The following COL4A6 variants were observed in gnomAD, a reference collection of about 807,000 sequenced individuals.
The protein encoded by COL4A6 is collagen alpha-6(IV) chain.
COL4A6 carries 59 observed loss-of-function variants against 126.7 expected under a neutral mutation model. The ratio of observed to expected loss-of-function variants is 0.47; its 90% CI spans 0.38 to 0.58. The LOEUF (loss-of-function observed/expected upper bound fraction) is 0.58. Among genes scored for constraint, COL4A6 ranks in the 20% least tolerant of loss-of-function variants. The pLI, the probability that COL4A6 is intolerant of heterozygous loss-of-function variation, is 0.00. For missense variants in COL4A6, 1,285 were observed against 1,337.3 expected (o/e 0.96, Z 0.61); for synonymous variants, 547 against 496.6 (o/e 1.10, Z -1.35).
chrX:108,400,073 C>T lies in COL4A6; in HGVS notation c.63+37869G>A, dbSNP rs765967529. On this transcript the variant is annotated intron_variant, in intron 2 of 44. Coordinates refer to ENST00000334504, the MANE Select transcript of COL4A6 (RefSeq NM_033641.4). ...TCTTTTCCGAAGGCCAGTACTGAGC[C>T]TCCTTTATTATGAGGTGAAGGTTTG... Among the ~76,000 whole-genome samples the T allele has an allele frequency of 1.3e-4, 15 of 111,580 alleles. No homozygotes were observed. In the East Asian group the frequency reaches 2.5e-3, roughly 19 times the overall value.
At chrX:108,169,667 G>A in intron 36 of COL4A6, 47 bp from the exon 37 acceptor site, 1 of 1,166,156 alleles carries the variant, frequency 8.6e-7, no homozygotes, top group Non-Finnish European at 1.1e-6. Flanking sequence ...TGGAGGTGAG[G>A]CCTTCCTGCC....
intron 3 of COL4A6, among the ~76,000 whole-genome samples, chrX:108,265,254 C>G (rs1179097964): frequency 9.0e-6 from 1 of 110,982 alleles, no homozygotes; most frequent in African/African-American, 3.3e-5. Context: ...TGTTAAAATG[C>G]AGATTCTGGA....
chrX:108,161,230 G>T (rs755125327), intron 42 of COL4A6, among the ~76,000 whole-genome samples: 2 of 111,379 alleles, frequency 1.8e-5, no homozygotes, highest in Non-Finnish European at 3.8e-5. Context: ...GAGGTATATG[G>T]ACAGCCACGC....
chrX:108,342,430 C>A (rs998751765), intron 2 of COL4A6, among the ~76,000 whole-genome samples: 2 of 111,553 alleles, frequency 1.8e-5, no homozygotes, highest in Non-Finnish European at 3.8e-5. Flanking sequence ...CCTGGGCTGA[C>A]AAAATTAAAT....
intron 2 of COL4A6, among the ~76,000 whole-genome samples, chrX:108,355,399 G>A (rs1198663404): frequency 8.9e-6 from 1 of 112,342 alleles, no homozygotes; most frequent in African/African-American, 3.2e-5. Flanking sequence ...AGGTGCACTG[G>A]CTTTGGTTCA....
chrX:108,406,850 A>AT (rs200065691), intron 2 of COL4A6, among the ~76,000 whole-genome samples: 4,090 of 111,717 alleles, frequency 0.037, 102 homozygotes, highest in Middle Eastern at 0.075. Context: ...ATGTGAAGGC[A>AT]TTTTTTTGTG....
chrX:108,160,119 C>A (rs919761290), intron 43 of COL4A6, among the ~76,000 whole-genome samples: 1 of 112,142 alleles, frequency 8.9e-6, no homozygotes. Context: ...CTACTAATTG[C>A]TAACATTTAA....
chrX:108,394,340 G>T (rs772069201), intron 2 of COL4A6, among the ~76,000 whole-genome samples: 4 of 109,613 alleles, frequency 3.6e-5, no homozygotes, highest in Admixed American at 2.0e-4. Flanking sequence ...GGGGTTGATG[G>T]GTGCAGCAAA....
intron 2 of COL4A6, among the ~76,000 whole-genome samples, chrX:108,335,012 G>A (rs1171651166): frequency 8.9e-6 from 1 of 112,065 alleles, no homozygotes; most frequent in Non-Finnish European, 1.9e-5. Context: ...GAGACTAAGC[G>A]TAATCAGGAT....
intron 3 of COL4A6, 69 bp from the exon 4 acceptor site, chrX:108,221,443 G>T (rs186721769): frequency 6.4e-6 from 7 of 1,086,347 alleles, no homozygotes; most frequent in Non-Finnish European, 8.7e-6. Context: ...ATTTTCCCAC[G>T]CACAAAGAGC....
chrX:108,423,055 A>G (rs1216179151), intron 2 of COL4A6, among the ~76,000 whole-genome samples: 1 of 112,369 alleles, frequency 8.9e-6, no homozygotes, highest in Non-Finnish European at 1.9e-5. Flanking sequence ...TTAGTTTGCG[A>G]TTTCTTTAAT....
rs544256895 is a variant in COL4A6, at chrX:108,378,073, T to TA, written c.63+59868dup. Among the ~76,000 whole-genome samples, 1,070 of 107,332 alleles carry TA rather than the reference T, an allele frequency of 1.0e-2. 10 individuals carry two copies. Among genetic ancestry groups the TA allele is most frequent in the East Asian group, 0.03 (102 of 3,445 alleles). 93.2% of individuals were successfully genotyped at this position (107,332 alleles called of 115,157 possible). A position where few individuals can be genotyped will look rare whatever the true frequency, so the allele number is the denominator to read the frequency against. On this transcript the variant is annotated intron_variant, in intron 2 of 44. Coordinates refer to ENST00000334504, the MANE Select transcript of COL4A6 (RefSeq NM_033641.4). ...TGGTAGGTAAGGATGTGAAGAAATT[T>TA]AAAAAAAAAATGTTTTCATGTAGTG...
intron 2 of COL4A6, among the ~76,000 whole-genome samples, chrX:108,315,523 T>C (rs186719751): frequency 3.8e-3 from 430 of 112,430 alleles, no homozygotes; most frequent in African/African-American, 0.014. Flanking sequence ...ATGCTAAAAA[T>C]ATTTAGCAAT....
intron 3 of COL4A6, among the ~76,000 whole-genome samples, chrX:108,271,965 T>C (rs778627244): frequency 3.1e-4 from 35 of 112,201 alleles, no homozygotes; most frequent in Non-Finnish European, 6.0e-4. Context: ...TGAAAGCTAA[T>C]TAACCAGTTT....
intron 30 of COL4A6, 74 bp from the exon 31 acceptor site, chrX:108,174,695 C>A (rs1446527677): frequency 2.0e-6 from 2 of 975,809 alleles, no homozygotes; most frequent in African/African-American, 3.9e-5. Flanking sequence ...TGCAGGTGCC[C>A]CAGGTCGCAG....
chrX:108,367,695 T>C (rs921202757), intron 2 of COL4A6, among the ~76,000 whole-genome samples: 1 of 112,264 alleles, frequency 8.9e-6, no homozygotes, highest in Non-Finnish European at 1.9e-5. Flanking sequence ...TCAGGATCCA[T>C]ATAATTGATT....
At chrX:108,427,628 G>T (rs2064110170) in intron 2 of COL4A6, among the ~76,000 whole-genome samples, 1 of 111,686 alleles carries the variant, frequency 9.0e-6, no homozygotes, top group Non-Finnish European at 1.9e-5. Context: ...GGCCAGATCA[G>T]ATACTCCATG....
At chrX:108,231,866 C>A (rs1364636268) in intron 3 of COL4A6, among the ~76,000 whole-genome samples, 1 of 112,030 alleles carries the variant, frequency 8.9e-6, no homozygotes, top group East Asian at 2.8e-4. Context: ...AAATAAGATG[C>A]ACTTCAAGGA....
chrX:108,360,791 C>A (rs1353785967), intron 2 of COL4A6, among the ~76,000 whole-genome samples: 3 of 111,113 alleles, frequency 2.7e-5, no homozygotes, highest in Non-Finnish European at 5.7e-5. Flanking sequence ...CCACCTCGGC[C>A]TCCCAAAGTG....
Sources: allele counts gnomAD v4.1 joint callset (sites outside exome capture counted in the v4.1 genomes callset), GRCh38; gene constraint gnomAD v4.1.1; transcripts MANE v1.5; gene names NCBI Gene and HGNC (gene_info 2026-07-23, HGNC 2026-07-21).